Variants in BMP1 observed in about 807,000 individuals in gnomAD.
BMP1 encodes bone morphogenetic protein 1.
BMP1 carries 63 observed loss-of-function variants against 116.8 expected under a neutral mutation model. The ratio of observed to expected loss-of-function variants is 0.54; its 90% CI spans 0.44 to 0.67. The LOEUF (loss-of-function observed/expected upper bound fraction) is 0.67, where lower values mean the gene tolerates loss of function less well. Among genes scored for constraint, BMP1 ranks in the 30% least tolerant of loss-of-function variants. The probability of loss-of-function intolerance (pLI) is 0.00; values close to 1 mark genes in which losing one functional copy is unlikely to be tolerated. For synonymous variants in BMP1, 536 were observed against 533.4 expected, an observed-to-expected ratio of 1.00 and a Z score of -0.07; for missense variants, 1,183 against 1,358.9, an observed-to-expected ratio of 0.87 and a Z score of 2.04.
In BMP1 at chr8:22,173,731, A is replaced by G. The variant is rs200557413; in HGVS notation, c.262+16A>G. On this transcript the variant is annotated intron_variant, in intron 2 of 19. Transcript: ENST00000306385. ...AAAGCTGCAGGTAAGCCGGGTGCCAATGGGCCCTCTGTGTCCTAGAAATGG... is the reference window on the plus strand; with the variant it reads ...AAAGCTGCAGGTAAGCCGGGTGCCAGTGGGCCCTCTGTGTCCTAGAAATGG... The G allele has an allele frequency of 1.2e-4, 195 of 1,594,526 alleles. 1 individual carries two copies. The highest frequency in any genetic ancestry group is 1.9e-4 in the African/African-American group (14 of 74,358).
intron 1 of BMP1, 79 bp from the exon 2 acceptor site, chr8:22,173,523 G>T: frequency 9.5e-7 from 1 of 1,057,874 alleles, no homozygotes. Context: ...GGTGCCCACA[G>T]GGTTGGGGCT....
intron 18 of BMP1, among the ~76,000 whole-genome samples, 192 bp from the exon 19 acceptor site, chr8:22,209,253 G>A (rs1439337431): frequency 1.3e-5 from 2 of 152,172 alleles, no homozygotes; most frequent in Non-Finnish European, 2.9e-5. Flanking sequence ...CTCAGCCTAG[G>A]GCCAAGGTCC....
intron 8 of BMP1, among the ~76,000 whole-genome samples, chr8:22,183,262 T>G (rs916471455): frequency 6.6e-6 from 1 of 152,088 alleles, no homozygotes; most frequent in South Asian, 2.1e-4. Flanking sequence ...CAAAAAATTT[T>G]AAAAATTAGC....
In BMP1 at chr8:22,184,561, G is replaced by A. The variant is rs149123646; in HGVS notation, c.1077+4078G>A. Reference sequence around the variant, plus strand: ...TGTAAGGGAAGCCAAGTGGCACCCTGGGGACGTGAACATTGAAAGGGCCTG... The same window carrying A: ...TGTAAGGGAAGCCAAGTGGCACCCTAGGGACGTGAACATTGAAAGGGCCTG... On this transcript the variant is annotated intron_variant, in intron 8 of 19. Coordinates refer to ENST00000306385, the MANE Select transcript of BMP1 (RefSeq NM_006129.5). Among the ~76,000 whole-genome samples, 112 of 152,350 alleles carry A rather than the reference G, an allele frequency of 7.4e-4. 1 individual carries two copies. In the East Asian group the frequency reaches 0.018, roughly 24 times the overall value.
intron 13 of BMP1, chr8:22,196,329 T>C (rs1415235812): frequency 6.9e-6 from 4 of 581,114 alleles, no homozygotes; most frequent in Non-Finnish European, 1.3e-5. Context: ...CCCGAGCTGC[T>C]CCCTTTCCTG....
chr8:22,177,594 T>C (rs2131850872), intron 5 of BMP1: 1 of 751,176 alleles, frequency 1.3e-6, no homozygotes, highest in East Asian at 2.5e-5. Context: ...CTGCTCCTTC[T>C]CAGCTGTGGC....
intron 15 of BMP1, chr8:22,198,896 A>C: frequency 8.8e-7 from 1 of 1,140,178 alleles, no homozygotes; most frequent in Non-Finnish European, 1.1e-6. Flanking sequence ...CCCTGTGCCC[A>C]CCTGGGACTC....
intron 18 of BMP1, among the ~76,000 whole-genome samples, chr8:22,207,871 TA>T (rs68192551): frequency 0.046 from 6,973 of 152,042 alleles, 446 homozygotes; most frequent in African/African-American, 0.14. Flanking sequence ...TTTATTTTTT[TA>T]TTTTTATTTT....
intron 1 of BMP1, among the ~76,000 whole-genome samples, chr8:22,167,580 C>G (rs1828152709): frequency 6.6e-6 from 1 of 152,186 alleles, no homozygotes; most frequent in Non-Finnish European, 1.5e-5. Flanking sequence ...CAGCAAGAGG[C>G]TGAGGGCTCT....
At chr8:22,205,451 G>C (rs1436788765) in intron 16 of BMP1, among the ~76,000 whole-genome samples, 4 of 152,124 alleles carry the variant, frequency 2.6e-5, no homozygotes, top group South Asian at 2.1e-4. Flanking sequence ...GGAGAGAATA[G>C]AAAGATCAAG....
At chr8:22,191,945 G>A in intron 8 of BMP1, 104 bp from the exon 9 acceptor site, 1 of 1,030,806 alleles carries the variant, frequency 9.7e-7, no homozygotes, top group Admixed American at 2.0e-5. Flanking sequence ...TCTCGCCCAG[G>A]GGGACCTGCC....
rs150580997 is a variant in BMP1 at position 22,198,653 on chromosome 8, G to T, written c.2107+1233G>T. The T allele has an allele frequency of 1.2e-3, 181 of 157,324 alleles. 2 individuals are homozygous for T. Among genetic ancestry groups the T allele is most frequent in the Middle Eastern group, 6.5e-3 (2 of 310 alleles). The allele number at this position is 157,324 out of a possible 1,614,324, so 9.7% of individuals were successfully genotyped here. On this transcript the variant is annotated intron_variant, in intron 15 of 19. Transcript: ENST00000306385. ...GCAGGAAGGCAGGATGCCCACGGCC[G>T]AGTCCATGCTGCCTTCCTTCTCCCC...
At chr8:22,201,699 C>CT in intron 15 of BMP1, 104 bp from the exon 16 acceptor site, 2 of 1,538,850 alleles carry the variant, frequency 1.3e-6, no homozygotes, top group Non-Finnish European at 1.7e-6. Flanking sequence ...AGCTGTTGCT[C>CT]TGTCCCGGTG....
At position 22,211,940 on chromosome 8, in the gene BMP1, G is replaced by A. The variant is rs368070948; in HGVS notation, c.*212G>A. 80 of 670,950 alleles carry A rather than the reference G, an allele frequency of 1.2e-4. No homozygotes were observed. In the East Asian group the frequency reaches 1.7e-3, roughly 14 times the overall value. 41.6% of individuals were successfully genotyped at this position (670,950 alleles called of 1,614,324 possible). On this transcript the variant is annotated 3_prime_UTR_variant, in exon 20 of 20. Transcript: ENST00000306385. ...ACAAACCCCCACCAGCAAGGGGCTG[G>A]GGCCAGGGAGCAGAGCTTCCACAAG...
chr8:22,177,738 G>GT, intron 5 of BMP1, 114 bp from the exon 6 acceptor site: 1 of 869,460 alleles, frequency 1.2e-6, no homozygotes, highest in Middle Eastern at 2.2e-4. Flanking sequence ...CTCAGGTAGG[G>GT]GGACTCTCTC....
intron 9 of BMP1, among the ~76,000 whole-genome samples, chr8:22,192,892 TCTC>T (rs1167015367): frequency 1.3e-5 from 2 of 152,154 alleles, no homozygotes; most frequent in African/African-American, 4.8e-5. Context: ...CAGAACCTCT[TCTC>T]CTCAGCCTAT....
At chr8:22,183,866 G>A (rs886296962) in intron 8 of BMP1, among the ~76,000 whole-genome samples, 10 of 152,114 alleles carry the variant, frequency 6.6e-5, no homozygotes, top group African/African-American at 1.4e-4. Flanking sequence ...GTGAGCCGCC[G>A]CGCCTGGCCA....
At position 22,201,384 on chromosome 8, in the gene BMP1, C is replaced by T. The variant is rs1024357480; in HGVS notation, c.2108-419C>T. 2.2e-5 allele frequency: 32 copies of T among 1,461,198 alleles called. No individual in the cohort carries two copies. In the African/African-American group the frequency reaches 4.1e-4, roughly 19 times the overall value. The allele number at this position is 1,461,198 out of a possible 1,614,324, so 90.5% of individuals were successfully genotyped here. Reference sequence around the variant, plus strand: ...TGTGCCCGTCCGCGGACCGGGGACCCTTCCCCGTGCCCTACCCCCTCCCAT... The same window carrying T: ...TGTGCCCGTCCGCGGACCGGGGACCTTTCCCCGTGCCCTACCCCCTCCCAT... On this transcript the variant is annotated intron_variant, in intron 15 of 19. Transcript: ENST00000306385.
chr8:22,196,945 T>G, intron 14 of BMP1, 105 bp downstream of exon 14: 1 of 1,378,448 alleles, frequency 7.3e-7, no homozygotes, highest in Non-Finnish European at 9.7e-7. Context: ...GCAGAAACAC[T>G]CTGCAAATAT....
Sources: gnomAD v4.1 joint callset for allele counts (sites outside exome capture counted in the v4.1 genomes callset) on GRCh38, gnomAD v4.1.1 for gene constraint, MANE v1.5 for transcripts, NCBI Gene and HGNC (gene_info 2026-07-23, HGNC 2026-07-21) for gene names.